CPT1B: variants seen among roughly 807,000 people sequenced by gnomAD.
CPT1B encodes carnitine O-palmitoyltransferase 1, muscle isoform.
Under a neutral mutation model 92.7 loss-of-function variants are expected in CPT1B, and 57 were observed. That is an observed-to-expected ratio of 0.62 (90% CI 0.50 to 0.77). The LOEUF is 0.77. Among genes scored for constraint, CPT1B ranks in the 30% least tolerant of loss-of-function variants. The pLI is 0.00. For synonymous variants in CPT1B, 398 were observed against 383.5 expected, an observed-to-expected ratio of 1.04 and a Z score of -0.44; for missense variants, 983 against 1,017.4, an observed-to-expected ratio of 0.97 and a Z score of 0.46.
chr22:50,570,566 CT>C (rs1318063649), intron 16 of CPT1B, among the ~76,000 whole-genome samples, 160 bp from the exon 17 acceptor site: 6 of 152,196 alleles, frequency 3.9e-5, no homozygotes, highest in Admixed American at 3.3e-4. Flanking sequence ...CCACATAAGG[CT>C]TGTGTGAGCT....
chr22:50,569,617 T>G lies in CPT1B; in HGVS notation c.2194A>C (p.Ile732Leu). Residue 732 changes from isoleucine (I) to leucine (L), a missense_variant, in exon 18 of 20, where the codon ATC (isoleucine) becomes CTC (leucine). Transcript: ENST00000312108. ...VSYMIAGENT[I>L]FFHISSKFSS... ...AACTTGCTGGAGATGTGGAAGAAGA[T>G]CGTGTTCTCGCCTGCAATCATGTAG... The G allele has an allele frequency of 6.2e-7, 1 of 1,614,030 alleles. No individual in the cohort carries two copies. The highest frequency in any genetic ancestry group is 8.5e-7 in the Non-Finnish European group (1 of 1,180,008).
Position 50,576,231 on chromosome 22 carries a change from G to A in CPT1B, c.666C>T (p.Tyr222=). 6.2e-7 allele frequency: 1 copy of A among 1,614,096 alleles called. No individual in the cohort carries two copies. The highest frequency in any genetic ancestry group is 8.5e-7 in the Non-Finnish European group (1 of 1,180,030). ...TTGCCCACCATGACTTGAGCACCAGGTATTTCTGCAGCCTGGGGGCAGTCT... is the reference window on the plus strand; with the variant it reads ...TTGCCCACCATGACTTGAGCACCAGATATTTCTGCAGCCTGGGGGCAGTCT... ...QDKTAPRLQK[Y]LVLKSWWASN... Residue 222 remains tyrosine (Y), a synonymous_variant, in exon 6 of 20, where the codon TAC becomes TAT. Coordinates refer to ENST00000312108, the MANE Select transcript of CPT1B (RefSeq NM_152246.3).
intron 4 of CPT1B, 107 bp from the exon 5 acceptor site, chr22:50,576,744 C>G (rs756925800): frequency 5.1e-6 from 8 of 1,555,786 alleles, no homozygotes; most frequent in Non-Finnish European, 7.1e-6. Flanking sequence ...CCAGGACAAA[C>G]CACACACCAG....
intron 11 of CPT1B, 117 bp from the exon 12 acceptor site, chr22:50,572,425 A>G (rs1391637839): frequency 7.5e-6 from 5 of 666,446 alleles, no homozygotes; most frequent in Non-Finnish European, 1.3e-5. Flanking sequence ...TTTTTCTCTC[A>G]CTTTTTTTTT....
rs767541312 is a variant in CPT1B, at chr22:50,577,429, G to T, written c.176C>A (p.Pro59His). 45 of 1,613,736 alleles carry T rather than the reference G, an allele frequency of 2.8e-5. No homozygotes were observed. The highest frequency in any genetic ancestry group is 4.4e-5 in the South Asian group (4 of 91,088). ...GILRGVYPGS[P>H]TSWLVVIMAT... is the part of the protein sequence containing the mutation. ...CATGATGACGACCAGCCAGCTGGTG[G>T]GGCTGCCAGGGTACACGCCCCTGAG... Residue 59 changes from proline to histidine, a missense_variant, in exon 3 of 20, where the codon CCC (proline) becomes CAC (histidine). Transcript: ENST00000312108.
intron 7 of CPT1B, among the ~76,000 whole-genome samples, chr22:50,575,685 T>C (rs907511377): frequency 6.6e-5 from 10 of 152,146 alleles, no homozygotes; most frequent in Non-Finnish European, 4.4e-5. Flanking sequence ...AATTCCCTGG[T>C]TATGGTGTCA....
In CPT1B at chr22:50,573,517, T is replaced by TG. The variant is rs768096958; in HGVS notation, c.1166+2_1166+3insC. 14 of 1,605,416 alleles carry TG rather than the reference T, an allele frequency of 8.7e-6. No individual in the cohort carries two copies. The highest frequency in any genetic ancestry group is 1.2e-5 in the Non-Finnish European group (14 of 1,174,966). On this transcript the variant is annotated splice_region_variant and intron_variant, in intron 10 of 19. Coordinates refer to ENST00000312108, the MANE Select transcript of CPT1B (RefSeq NM_152246.3). This position sits in a 1 kb window ranked among gnomAD's most constrained non-coding sequence, Gnocchi z 5.0. ...GGGACAGTCCCTTCCTAGAGGCCAA[T>TG]ACCTTCCTCCTGCAGTGAGGGCTGC... is the stretch of plus-strand genomic sequence containing the variant.
intron 7 of CPT1B, among the ~76,000 whole-genome samples, chr22:50,575,569 C>T (rs1557502): frequency 0.33 from 50,417 of 152,072 alleles, 11,056 homozygotes; most frequent in African/African-American, 0.61. Context: ...GGGCCAGTTA[C>T]ATGGGGCAGA....
At chr22:50,572,681 C>T (rs1023881807) in intron 11 of CPT1B, among the ~76,000 whole-genome samples, 194 bp downstream of exon 11, 2 of 151,770 alleles carry the variant, frequency 1.3e-5, no homozygotes, top group African/African-American at 2.4e-5. Flanking sequence ...GAAGGGGTCT[C>T]GCTCCGTTGC....
intron 3 of CPT1B, 43 bp from the exon 4 acceptor site, chr22:50,577,077 C>T: frequency 6.2e-7 from 1 of 1,604,084 alleles, no homozygotes; most frequent in Non-Finnish European, 8.5e-7. Context: ...CTCTTGAGGC[C>T]AGCCTCGGGT....
Position 50,576,068 on chromosome 22 carries a change from G to C in CPT1B, c.744C>G (p.Ser248Arg). Reference protein sequence around the residue: ...WEEYIYLRGRSPLMVNSNYYV... With the variant: ...WEEYIYLRGRRPLMVNSNYYV... ...AATAGTTGCTGTTCACCATGAGAGG[G>C]CTCCTGCCTCGAAGGTAGATGTACT... The change falls in exon 7 of 20, where the codon AGC (serine) becomes AGG (arginine). Residue 248 changes from serine to arginine, a missense_variant. Ser to Arg is a moderately radical substitution (Grantham distance 110). Coordinates refer to ENST00000312108, the MANE Select transcript of CPT1B (RefSeq NM_152246.3). 1 of 1,614,124 alleles carries C rather than the reference G, an allele frequency of 6.2e-7. No homozygotes were observed. Among genetic ancestry groups the C allele is most frequent in the Non-Finnish European group, 8.5e-7 (1 of 1,180,024 alleles).
chr22:50,572,409 T>A (rs8137491), intron 11 of CPT1B, 101 bp from the exon 12 acceptor site: 76,883 of 681,772 alleles, frequency 0.11, 8,535 homozygotes, highest in African/African-American at 0.44. Flanking sequence ...CCCTATTCTC[T>A]CTCTCTTTTT....
rs2070532759 is a variant in CPT1B, at chr22:50,577,868, T to C, written c.48A>G (p.Pro16=). The C allele has an allele frequency of 1.9e-6, 3 of 1,613,348 alleles. No homozygotes were observed. The highest frequency in any genetic ancestry group is 2.7e-5 in the African/African-American group (2 of 74,948). ...GACTGAGCCGGAAGTCGACCCCGTC[T>C]GGGGTCACCGTGAACTGGAAGGCCA... ...QAVAFQFTVT[P]DGVDFRLSRE... The change falls in exon 2 of 20, where the codon CCA becomes CCG. Residue 16 remains proline (P), a synonymous_variant. Transcript: ENST00000312108.
chr22:50,572,404 TTC>T (rs994048445), intron 11 of CPT1B, 96 bp from the exon 12 acceptor site: 51 of 719,404 alleles, frequency 7.1e-5, no homozygotes, highest in African/African-American at 6.0e-4. Flanking sequence ...ACTAACCCTA[TTC>T]TCTCTCTCTT....
At position 50,574,437 on chromosome 22, in the gene CPT1B, A is replaced by G; in HGVS notation, c.886-18T>C. 2 of 1,613,926 alleles carry G rather than the reference A, an allele frequency of 1.2e-6. No individual in the cohort carries two copies. The highest frequency in any genetic ancestry group is 1.7e-6 in the Non-Finnish European group (2 of 1,179,830). ...GCCATCACCTGAGGGAAGGCCCAGC[A>G]TGGCTCAGACTCAGGTCTCCCCTCC... is the stretch of plus-strand genomic sequence containing the variant. On this transcript the variant is annotated intron_variant, in intron 8 of 19. Transcript: ENST00000312108.
Position 50,574,324 on chromosome 22 carries a change from G to A in CPT1B, c.970+11C>T. On this transcript the variant is annotated intron_variant, in intron 9 of 19. Coordinates refer to ENST00000312108, the MANE Select transcript of CPT1B (RefSeq NM_152246.3). ...GATGGCCCACAGGTAGCAGCGAGGG[G>A]GCTCAGTTACCTGTGTCCTTGCCCG... 1 of 1,606,840 alleles carries A rather than the reference G, an allele frequency of 6.2e-7. No homozygotes were observed. The highest frequency in any genetic ancestry group is 8.5e-7 in the Non-Finnish European group (1 of 1,176,134).
In CPT1B at chr22:50,577,031, A is replaced by G. The variant is rs765536092; in HGVS notation, c.285T>C (p.Cys95=). ...GGGTCTGCGGGGTCTGGTAGGGGCC[A>G]CACCTATTGGAGAGGGGCAAGGGCT... ...SCIQRCLPQG[C]GPYQTPQTRA... The change falls in exon 4 of 20, where the codon TGT becomes TGC. Residue 95 remains cysteine (C), a synonymous_variant. Coordinates refer to ENST00000312108, the MANE Select transcript of CPT1B (RefSeq NM_152246.3). The G allele has an allele frequency of 1.2e-6, 2 of 1,613,892 alleles. No individual in the cohort carries two copies. Among genetic ancestry groups the G allele is most frequent in the South Asian group, 2.2e-5 (2 of 91,088 alleles).
At position 50,572,860 on chromosome 22, in the gene CPT1B, C is replaced by T. The variant is rs1475430237; in HGVS notation, c.1352+15G>A. On this transcript the variant is annotated intron_variant, in intron 11 of 19. Coordinates refer to ENST00000312108, the MANE Select transcript of CPT1B (RefSeq NM_152246.3). ...TAACCTTAAGCTGTAACCTGTGGGGCTGGGGCTGCCGTACCTGTTGTAGCA... is the reference window on the plus strand; with the variant it reads ...TAACCTTAAGCTGTAACCTGTGGGGTTGGGGCTGCCGTACCTGTTGTAGCA... 2 of 1,597,666 alleles carry T rather than the reference C, an allele frequency of 1.3e-6. No homozygotes were observed. Among genetic ancestry groups the T allele is most frequent in the Admixed American group, 1.7e-5 (1 of 59,780 alleles).
At chr22:50,578,043 A>C (rs2070548764) in intron 1 of CPT1B, 109 bp from the exon 2 acceptor site, 2 of 677,318 alleles carry the variant, frequency 3.0e-6, no homozygotes, top group Non-Finnish European at 3.9e-6. Context: ...CCACCCCGCG[A>C]CTAGCGGCTG....
Sources: gnomAD v4.1 joint callset for allele counts (sites outside exome capture counted in the v4.1 genomes callset) on GRCh38, gnomAD v4.1.1 for gene constraint, Gnocchi (gnomAD v3.1) non-coding constraint, MANE v1.5 for transcripts, NCBI Gene and HGNC (gene_info 2026-07-23, HGNC 2026-07-21) for gene names.